Variants in ELP4 observed in about 807,000 individuals in gnomAD.
ELP4 encodes the protein elongator acetyltransferase complex subunit 4.
A neutral mutation model predicts 48.9 loss-of-function variants in ELP4; 51 were observed. The observed-to-expected ratio is 1.04, with a 90% CI of 0.83 to 1.32. The LOEUF (loss-of-function observed/expected upper bound fraction) is 1.32, where lower values mean the gene tolerates loss of function less well. ELP4 is among the 40% of genes most tolerant of loss of function. The probability of loss-of-function intolerance (pLI) is 0.00; values close to 1 mark genes in which losing one functional copy is unlikely to be tolerated. For synonymous variants in ELP4, 210 were observed against 189.2 expected, an observed-to-expected ratio of 1.11 and a Z score of -0.90; for missense variants, 519 against 514.6, an observed-to-expected ratio of 1.01 and a Z score of -0.08.
At chr11:31,618,472 C>T (rs796207628) in intron 5 of ELP4, among the ~76,000 whole-genome samples, 7 of 152,136 alleles carry the variant, frequency 4.6e-5, no homozygotes, top group African/African-American at 1.7e-4. Context: ...TGAGAAAGGA[C>T]TGAACTCACC....
intron 9 of ELP4, among the ~76,000 whole-genome samples, chr11:31,698,317 A>G (rs1002405796): frequency 6.6e-6 from 1 of 152,124 alleles, no homozygotes; most frequent in Non-Finnish European, 1.5e-5. Context: ...CAAACCTTTT[A>G]TGTTTTATTT....
At chr11:31,671,493 A>G (rs1035434581) in intron 9 of ELP4, among the ~76,000 whole-genome samples, 1 of 152,236 alleles carries the variant, frequency 6.6e-6, no homozygotes, top group South Asian at 2.1e-4. Context: ...ATAATATCAG[A>G]GATTTAAGAC....
intron 3 of ELP4, chr11:31,573,496 C>T (rs752980142): frequency 2.6e-5 from 4 of 152,176 alleles, no homozygotes; most frequent in Non-Finnish European, 4.4e-5. Flanking sequence ...ATCAAGGTTT[C>T]AACCAAGTCA....
At chr11:31,642,233 T>A (rs1448406356) in intron 7 of ELP4, among the ~76,000 whole-genome samples, 1 of 151,944 alleles carries the variant, frequency 6.6e-6, no homozygotes, top group South Asian at 2.1e-4. Flanking sequence ...GAAACAAAAC[T>A]AATATAAATA....
chr11:31,735,159 C>T (rs373341076), intron 9 of ELP4, among the ~76,000 whole-genome samples: 1 of 114,816 alleles, frequency 8.7e-6, no homozygotes, highest in Non-Finnish European at 1.9e-5. Flanking sequence ...TATCCATTGG[C>T]AAAAAAAAAA....
At chr11:31,747,603 G>A (rs965575676) in intron 9 of ELP4, among the ~76,000 whole-genome samples, 1 of 152,180 alleles carries the variant, frequency 6.6e-6, no homozygotes, top group Non-Finnish European at 1.5e-5. Context: ...ACCCAAAAGA[G>A]ATAGGCAGTC....
intron 3 of ELP4, among the ~76,000 whole-genome samples, chr11:31,566,846 C>T (rs1038449997): frequency 4.6e-5 from 7 of 152,048 alleles, no homozygotes; most frequent in African/African-American, 1.7e-4. Context: ...TAAGTCATAT[C>T]ACACCTGTCT....
intron 5 of ELP4, among the ~76,000 whole-genome samples, chr11:31,620,059 GT>G (rs1335029719): frequency 2.0e-5 from 3 of 151,906 alleles, no homozygotes; most frequent in Admixed American, 6.6e-5. Flanking sequence ...GATATTGGAG[GT>G]TTCAACAAAA....
chr11:31,663,979 C>A (rs1945617648), intron 9 of ELP4: 1 of 151,984 alleles, frequency 6.6e-6, no homozygotes, highest in Admixed American at 6.6e-5. Flanking sequence ...AACAAAACTT[C>A]TTTTCAAAGG....
chr11:31,643,794 C>T (rs1250484325), intron 7 of ELP4, among the ~76,000 whole-genome samples: 4 of 151,338 alleles, frequency 2.6e-5, no homozygotes, highest in Non-Finnish European at 3.0e-5. Flanking sequence ...CTCTATGAAA[C>T]CAAACAGAGA....
At chr11:31,726,744 A>G (rs989860606) in intron 9 of ELP4, among the ~76,000 whole-genome samples, 1 of 152,210 alleles carries the variant, frequency 6.6e-6, no homozygotes, top group Non-Finnish European at 1.5e-5. Flanking sequence ...TGATTATAGA[A>G]CCGTCTTTTA....
At chr11:31,543,665 T>C (rs1351371355) in intron 3 of ELP4, among the ~76,000 whole-genome samples, 1 of 152,092 alleles carries the variant, frequency 6.6e-6, no homozygotes, top group East Asian at 1.9e-4. Context: ...AAGCAAGTGA[T>C]AAAGACAAAA....
At chr11:31,605,628 AT>A (rs1371024979) in intron 5 of ELP4, among the ~76,000 whole-genome samples, 3 of 152,086 alleles carry the variant, frequency 2.0e-5, no homozygotes, top group African/African-American at 7.2e-5. Context: ...TACTTTTGTG[AT>A]TTAAAAAAAT....
intron 9 of ELP4, among the ~76,000 whole-genome samples, chr11:31,777,703 T>C (rs1480488698): frequency 6.6e-6 from 1 of 152,222 alleles, no homozygotes; most frequent in Non-Finnish European, 1.5e-5. Flanking sequence ...TCCTGGCCTC[T>C]TTCTTCTCAC....
At chr11:31,744,011 G>C (rs1947519873) in intron 9 of ELP4, among the ~76,000 whole-genome samples, 1 of 151,972 alleles carries the variant, frequency 6.6e-6, no homozygotes, top group African/African-American at 2.4e-5. Context: ...CAATAAAGAA[G>C]AAAAGAGAGA....
intron 9 of ELP4, among the ~76,000 whole-genome samples, chr11:31,666,671 G>A (rs897950271): frequency 3.6e-5 from 5 of 140,634 alleles, no homozygotes; most frequent in African/African-American, 1.1e-4. Context: ...CAGCCTGGAC[G>A]ACAGAGTGAG....
intron 9 of ELP4, among the ~76,000 whole-genome samples, chr11:31,762,881 A>G (rs1947972062): frequency 6.6e-6 from 1 of 151,762 alleles, no homozygotes; most frequent in Non-Finnish European, 1.5e-5. Context: ...TATAATATAA[A>G]TAATGATCAA....
intron 3 of ELP4, among the ~76,000 whole-genome samples, chr11:31,554,547 A>T (rs1385541735): frequency 6.6e-6 from 1 of 152,112 alleles, no homozygotes; most frequent in Non-Finnish European, 1.5e-5. Context: ...TAATTAACAC[A>T]TCTATCACCA....
chr11:31,776,683 C>T (rs1948255007), intron 9 of ELP4, among the ~76,000 whole-genome samples: 1 of 152,158 alleles, frequency 6.6e-6, no homozygotes, highest in Non-Finnish European at 1.5e-5. Flanking sequence ...CACACCTGAG[C>T]ATTTTTCAAT....
Sources: gnomAD v4.1 joint callset for allele counts (sites outside exome capture counted in the v4.1 genomes callset) on GRCh38, gnomAD v4.1.1 for gene constraint, MANE v1.5 for transcripts, NCBI Gene and HGNC (gene_info 2026-07-23, HGNC 2026-07-21) for gene names.